Variants in GABPB2 observed in about 807,000 individuals in gnomAD.
GABPB2 encodes the protein GA-binding protein subunit beta-2.
Under a neutral mutation model 39.1 loss-of-function variants are expected in GABPB2, and 23 were observed. The ratio of observed to expected loss-of-function variants is 0.59; its 90% CI spans 0.42 to 0.83. GABPB2 has a LOEUF of 0.83. GABPB2 is among the 40% of genes least tolerant of loss of function. The pLI, the probability that GABPB2 is intolerant of heterozygous loss-of-function variation, is 0.00. For synonymous variants in GABPB2, 184 were observed against 199.3 expected, an observed-to-expected ratio of 0.92 and a Z score of 0.65; for missense variants, 467 against 541.1, an observed-to-expected ratio of 0.86 and a Z score of 1.36.
At chr1:151,101,487 T>A (rs1212080896) in intron 5 of GABPB2, among the ~76,000 whole-genome samples, 1 of 151,386 alleles carries the variant, frequency 6.6e-6, no homozygotes, top group East Asian at 1.9e-4. Flanking sequence ...GTCAGGAGAA[T>A]GGCGTGAACC....
chr1:151,103,044 CTT>C (rs376522230), intron 5 of GABPB2, among the ~76,000 whole-genome samples: 40 of 88,236 alleles, frequency 4.5e-4, no homozygotes, highest in African/African-American at 1.7e-3. Context: ...ACAAAGTATA[CTT>C]TTTTTTTTTT....
intron 1 of GABPB2, among the ~76,000 whole-genome samples, chr1:151,071,966 C>G (rs1676763150): frequency 1.3e-5 from 2 of 152,228 alleles, no homozygotes; most frequent in Admixed American, 1.3e-4. Flanking sequence ...AGGGGGTCCC[C>G]CCCAACCCAA....
intron 1 of GABPB2, among the ~76,000 whole-genome samples, chr1:151,075,563 C>CAAAAA (rs35110350): frequency 9.0e-5 from 4 of 44,260 alleles, no homozygotes; most frequent in African/African-American, 1.9e-4. Flanking sequence ...GACTTTGTCT[C>CAAAAA]AAAAAAAAAA....
chr1:151,101,615 A>G (rs1350709845), intron 5 of GABPB2, among the ~76,000 whole-genome samples: 1 of 152,114 alleles, frequency 6.6e-6, no homozygotes. Context: ...ATACAGGAAT[A>G]GCCAATAGAG....
Position 151,120,796 on chromosome 1 carries a change from G to T in GABPB2, c.*2540G>T, listed in dbSNP as rs1288441512. The T allele has an allele frequency of 4.5e-5, 5 of 112,210 alleles. No homozygotes were observed. The highest frequency in any genetic ancestry group is 1.7e-4 in the African/African-American group (5 of 29,612). 7.0% of individuals were successfully genotyped at this position (112,210 alleles called of 1,614,324 possible). A position where few individuals can be genotyped will look rare whatever the true frequency, so the allele number is the denominator to read the frequency against. On this transcript the variant is annotated 3_prime_UTR_variant, in exon 9 of 9. Coordinates refer to ENST00000368918, the MANE Select transcript of GABPB2 (RefSeq NM_144618.3). ...TTTGAGACGGAGTCTTGCTCTTGTT[G>T]CCCAGGCTGGAGTGCAATGGTGTGA...
chr1:151,096,158 T>G (rs1407264377), intron 4 of GABPB2, among the ~76,000 whole-genome samples: 3 of 152,022 alleles, frequency 2.0e-5, no homozygotes, highest in African/African-American at 7.2e-5. Context: ...GCGTGGTGGC[T>G]CATGCCTGTA....
chr1:151,096,267 A>G (rs1410263331), intron 4 of GABPB2, among the ~76,000 whole-genome samples: 1 of 152,030 alleles, frequency 6.6e-6, no homozygotes, highest in African/African-American at 2.4e-5. Flanking sequence ...CTACTAAAAT[A>G]CAAAAGAAAT....
intron 3 of GABPB2, 75 bp downstream of exon 3, chr1:151,090,648 C>A: frequency 7.2e-7 from 1 of 1,389,814 alleles, no homozygotes; most frequent in Non-Finnish European, 1.0e-6. Context: ...TAAATGGGTA[C>A]TAGGAAATGA....
At chr1:151,102,347 G>C (rs1020189186) in intron 5 of GABPB2, among the ~76,000 whole-genome samples, 12 of 152,058 alleles carry the variant, frequency 7.9e-5, no homozygotes, top group Non-Finnish European at 1.5e-4. Flanking sequence ...AAAAATAAAA[G>C]TACATCTTGA....
intron 7 of GABPB2, 132 bp downstream of exon 7, chr1:151,107,354 TGAAAAA>T: frequency 1.9e-6 from 1 of 529,936 alleles, no homozygotes; most frequent in Non-Finnish European, 3.0e-6. Flanking sequence ...AAAGAAGCTC[TGAAAAA>T]GAAAAAGAAA....
chr1:151,111,638 T>C (rs1466694970), intron 7 of GABPB2, among the ~76,000 whole-genome samples: 1 of 151,162 alleles, frequency 6.6e-6, no homozygotes, highest in Non-Finnish European at 1.5e-5. Context: ...GGTCTCGATC[T>C]CCTGACCTCG....
chr1:151,080,511 CTAAATAAATAAA>C (rs34274763), intron 1 of GABPB2, among the ~76,000 whole-genome samples: 46 of 143,824 alleles, frequency 3.2e-4, no homozygotes, highest in East Asian at 1.7e-3. Context: ...AACTCCATCT[CTAAATAAATAAA>C]TAAATAAATA....
chr1:151,079,955 G>T (rs1677512776), intron 1 of GABPB2, among the ~76,000 whole-genome samples: 1 of 152,000 alleles, frequency 6.6e-6, no homozygotes, highest in Non-Finnish European at 1.5e-5. Flanking sequence ...AGTGGCTCAT[G>T]CCTGTAATCC....
chr1:151,072,078 C>T (rs1676776022), intron 1 of GABPB2, among the ~76,000 whole-genome samples: 1 of 152,224 alleles, frequency 6.6e-6, no homozygotes. Flanking sequence ...CCACCCAATC[C>T]AGTAGAGATG....
At chr1:151,093,582 A>G (rs1387083733) in intron 4 of GABPB2, among the ~76,000 whole-genome samples, 196 bp downstream of exon 4, 1 of 149,874 alleles carries the variant, frequency 6.7e-6, no homozygotes, top group Non-Finnish European at 1.5e-5. Flanking sequence ...GTATATATGT[A>G]TACGCATATA....
chr1:151,100,229 C>T (rs895804593), intron 5 of GABPB2, among the ~76,000 whole-genome samples: 1 of 151,596 alleles, frequency 6.6e-6, no homozygotes, highest in African/African-American at 2.4e-5. Context: ...ACTGCAACCT[C>T]CGCCTCCTGG....
chr1:151,114,839 A>G (rs587602001), intron 7 of GABPB2, among the ~76,000 whole-genome samples: 5 of 151,908 alleles, frequency 3.3e-5, no homozygotes, highest in African/African-American at 7.2e-5. Context: ...GCAAAACCCC[A>G]TCTCTACTAA....
At chr1:151,115,718 A>G (rs1321559477) in intron 7 of GABPB2, among the ~76,000 whole-genome samples, 2 of 152,140 alleles carry the variant, frequency 1.3e-5, no homozygotes. Context: ...ACTATTTTCT[A>G]GAGCGGCTGT....
chr1:151,118,398 G>GTT lies in GABPB2; in HGVS notation c.*144_*145dup. 3.9e-6 allele frequency: 3 copies of GTT among 775,914 alleles called. No homozygotes were observed. Among genetic ancestry groups the GTT allele is most frequent in the Non-Finnish European group, 5.9e-6 (3 of 512,102 alleles). The allele number at this position is 775,914 out of a possible 1,614,324, so 48.1% of individuals were successfully genotyped here. A position where few individuals can be genotyped will look rare whatever the true frequency, so the allele number is the denominator to read the frequency against. On this transcript the variant is annotated 3_prime_UTR_variant, in exon 9 of 9. Coordinates refer to ENST00000368918, the MANE Select transcript of GABPB2 (RefSeq NM_144618.3). ...AGGGTACAATGCTTGGGCTCAGGAA[G>GTT]TTTCTCTGTGCAACTAGAAAATTCA...
Sources: gnomAD v4.1 joint callset for allele counts (sites outside exome capture counted in the v4.1 genomes callset) on GRCh38, gnomAD v4.1.1 for gene constraint, MANE v1.5 for transcripts, NCBI Gene and HGNC (gene_info 2026-07-23, HGNC 2026-07-21) for gene names.